Variants in NUP93 observed in about 807,000 individuals in gnomAD.
NUP93 encodes the protein nuclear pore complex protein Nup93.
In NUP93, 55 loss-of-function variants were observed where a neutral mutation model predicts 107.8. The observed-to-expected ratio is 0.51, with a 90% confidence interval of 0.41 to 0.64. The LOEUF is 0.64. Among genes scored for constraint, NUP93 ranks in the 30% least tolerant of loss-of-function variants. The pLI is 0.00. For synonymous variants in NUP93, 390 were observed against 397.5 expected, an observed-to-expected ratio of 0.98 and a Z score of 0.22; for missense variants, 937 against 1,044.7, an observed-to-expected ratio of 0.90 and a Z score of 1.42.
chr16:56,737,642 T>C (rs2144433309), intron 1 of NUP93, among the ~76,000 whole-genome samples: 1 of 152,044 alleles, frequency 6.6e-6, no homozygotes, highest in Non-Finnish European at 1.5e-5. Context: ...TTTCTTTTTG[T>C]ATCTGGCTTC....
chr16:56,805,838 C>T (rs900819590), intron 5 of NUP93, among the ~76,000 whole-genome samples: 1 of 151,976 alleles, frequency 6.6e-6, no homozygotes, highest in Non-Finnish European at 1.5e-5. Context: ...CTGAGCTTTC[C>T]TCAAATTCCC....
chr16:56,832,065 C>T, intron 11 of NUP93, 58 bp downstream of exon 11: 1 of 1,594,206 alleles, frequency 6.3e-7, no homozygotes, highest in Non-Finnish European at 8.6e-7. Context: ...GCTCAAGTCC[C>T]CGCAAAGATT....
rs140828062 is a variant in NUP93, at chr16:56,777,686, G to A, written c.297+19031G>A. Among the ~76,000 whole-genome samples the A allele has an allele frequency of 7.2e-5, 11 of 152,252 alleles. No individual in the cohort carries two copies. The East Asian group carries it at 1.5e-3, about 21-fold the overall frequency. ...GCCGTCTCATTTTCCCCGAACTTCC[G>A]TGGCTGTAGTTGCATATAATGAGGA... On this transcript the variant is annotated intron_variant, in intron 3 of 21. Coordinates refer to ENST00000308159, the MANE Select transcript of NUP93 (RefSeq NM_014669.5).
rs572588088 is a variant in NUP93 at position 56,757,181 on chromosome 16, G to T, written c.180-1357G>T. 3.3e-4 allele frequency among the ~76,000 whole-genome samples: 51 copies of T among 152,282 alleles called. 3 individuals are homozygous for T. In the South Asian group the frequency reaches 6.0e-3, roughly 18 times the overall value. ...TTCTCCAGTAAGTCTGTTAGTTCAG[G>T]ATTGAAACTTTTAGGTGTTATACCT... On this transcript the variant is annotated intron_variant, in intron 2 of 21. Coordinates refer to ENST00000308159, the MANE Select transcript of NUP93 (RefSeq NM_014669.5).
chr16:56,830,544 G>A lies in NUP93; in HGVS notation c.944G>A (p.Gly315Asp), dbSNP rs149714368. 30 of 1,589,110 alleles carry A rather than the reference G, an allele frequency of 1.9e-5. No homozygotes were observed. Among genetic ancestry groups the A allele is most frequent in the Non-Finnish European group, 2.3e-5 (27 of 1,161,010 alleles). ...CTCTTTTAGGATGGAGAGGTGGAAGGCCATCCTGTGTGGGCGCTAATTTAC... is the reference window on the plus strand; with the variant it reads ...CTCTTTTAGGATGGAGAGGTGGAAGACCATCCTGTGTGGGCGCTAATTTAC... ...LPGLQDGEVE[G>D]HPVWALIYYC... The change falls in exon 10 of 22, where the codon GGC (glycine) becomes GAC (aspartate). Residue 315 changes from glycine (G) to aspartate (D), a missense_variant. By Grantham distance (94) the Gly-to-Asp change is moderately conservative. Transcript: ENST00000308159.
At chr16:56,836,750 C>A in intron 17 of NUP93, 33 bp downstream of exon 17, 1 of 1,387,766 alleles carries the variant, frequency 7.2e-7, no homozygotes, top group Non-Finnish European at 1.0e-6. Context: ...TTTTGCACTT[C>A]ACAGGTCTGC....
chr16:56,847,023 A>T lies in NUP93; in HGVS notation c.*2414A>T, dbSNP rs1393311165. The T allele has an allele frequency of 1.3e-5, 2 of 152,250 alleles. No individual in the cohort carries two copies. Among genetic ancestry groups the T allele is most frequent in the African/African-American group, 4.8e-5 (2 of 41,460 alleles). The allele number at this position is 152,250 out of a possible 1,614,324, so 9.4% of individuals were successfully genotyped here. On this transcript the variant is annotated 3_prime_UTR_variant, in exon 22 of 22. Coordinates refer to ENST00000308159, the MANE Select transcript of NUP93 (RefSeq NM_014669.5). ...AATGAGAAGGGAGAGAAGCAGCCAGACCTTGAGCTGCTCTGCTAGGGGAGC... is the reference window on the plus strand; with the variant it reads ...AATGAGAAGGGAGAGAAGCAGCCAGTCCTTGAGCTGCTCTGCTAGGGGAGC...
intron 4 of NUP93, among the ~76,000 whole-genome samples, chr16:56,801,998 T>G (rs968343073): frequency 6.6e-6 from 1 of 152,290 alleles, no homozygotes; most frequent in East Asian, 1.9e-4. Flanking sequence ...TTAATTGCCT[T>G]TGCTACTCTG....
chr16:56,788,143 C>CTT (rs1343295331), intron 3 of NUP93, among the ~76,000 whole-genome samples: 2 of 152,192 alleles, frequency 1.3e-5, no homozygotes, highest in Non-Finnish European at 2.9e-5. Context: ...CCTCAGCAGT[C>CTT]TGACAGCAGT....
intron 6 of NUP93, among the ~76,000 whole-genome samples, chr16:56,819,681 A>AT (rs1963504758): frequency 6.6e-6 from 1 of 152,218 alleles, no homozygotes; most frequent in African/African-American, 2.4e-5. Flanking sequence ...TCTTTAACCA[A>AT]GGGGTCTGTC....
intron 20 of NUP93, among the ~76,000 whole-genome samples, chr16:56,840,087 C>T (rs1225181109): frequency 6.6e-6 from 1 of 152,140 alleles, no homozygotes; most frequent in African/African-American, 2.4e-5. Flanking sequence ...GTGGTGTGAT[C>T]TTGGCTCACT....
At chr16:56,834,585 A>G (rs1227602649) in intron 15 of NUP93, 143 bp downstream of exon 15, 3 of 1,122,572 alleles carry the variant, frequency 2.7e-6, no homozygotes, top group Admixed American at 2.6e-5. Context: ...TCTAACAATG[A>G]AAATATTTAT....
chr16:56,813,127 A>G (rs1963351030), intron 5 of NUP93, among the ~76,000 whole-genome samples: 7 of 152,212 alleles, frequency 4.6e-5, no homozygotes, highest in Admixed American at 4.6e-4. Flanking sequence ...AAGTATAGAT[A>G]ATGATGGTAA....
intron 18 of NUP93, among the ~76,000 whole-genome samples, chr16:56,838,217 C>T (rs1039138963): frequency 2.6e-5 from 4 of 152,172 alleles, no homozygotes; most frequent in Non-Finnish European, 4.4e-5. Context: ...TTTGCGCTCT[C>T]TGTAGATATT....
chr16:56,818,075 G>T (rs1464799178), intron 5 of NUP93, among the ~76,000 whole-genome samples: 5 of 152,188 alleles, frequency 3.3e-5, no homozygotes, highest in African/African-American at 1.2e-4. Context: ...TAGGGAGATG[G>T]ATATATGTAC....
chr16:56,831,008 G>C (rs1201261816), intron 10 of NUP93, among the ~76,000 whole-genome samples: 1 of 152,036 alleles, frequency 6.6e-6, no homozygotes, highest in Non-Finnish European at 1.5e-5. Context: ...TTATAAAATG[G>C]GACTTTTTAA....
Position 56,841,648 on chromosome 16 carries a change from G to A in NUP93, c.2221-57G>A, listed in dbSNP as rs1596867084. Reference sequence around the variant, plus strand: ...GGAGCAGCCCACCCTCCCTCCATCTGTGGTTGGCCCCAAAGGCTTGGTTCT... The same window carrying A: ...GGAGCAGCCCACCCTCCCTCCATCTATGGTTGGCCCCAAAGGCTTGGTTCT... On this transcript the variant is annotated intron_variant, in intron 20 of 21. Coordinates refer to ENST00000308159, the MANE Select transcript of NUP93 (RefSeq NM_014669.5). The A allele has an allele frequency of 1.9e-6, 3 of 1,597,614 alleles. No homozygotes were observed. The South Asian group carries it at 3.4e-5, about 18-fold the overall frequency.
At chr16:56,800,858 T>A (rs1250480227) in intron 4 of NUP93, among the ~76,000 whole-genome samples, 3 of 152,236 alleles carry the variant, frequency 2.0e-5, no homozygotes, top group African/African-American at 7.2e-5. Context: ...AGTCAAAGCA[T>A]ATTGCCCTCT....
intron 3 of NUP93, chr16:56,783,829 G>T (rs1962567310): frequency 4.1e-6 from 4 of 985,378 alleles, no homozygotes; most frequent in Non-Finnish European, 4.8e-6. Context: ...CTTTAGGAAG[G>T]TGGAGAATAT....
Sources: allele counts gnomAD v4.1 joint callset (sites outside exome capture counted in the v4.1 genomes callset), GRCh38; gene constraint gnomAD v4.1.1; transcripts MANE v1.5; gene names NCBI Gene and HGNC (gene_info 2026-07-23, HGNC 2026-07-21).